Variants in LRRC69 observed in about 807,000 individuals in gnomAD.
The protein encoded by LRRC69 is leucine-rich repeat-containing protein 69.
A neutral mutation model predicts 37.8 loss-of-function variants in LRRC69; 42 were observed. The observed-to-expected ratio is 1.11, with a 90% confidence interval of 0.87 to 1.44. LRRC69 has a LOEUF of 1.44. Ranked by LOEUF, LRRC69 falls within the 40% of genes most tolerant of loss-of-function variation. The probability of loss-of-function intolerance (pLI) is 0.00; values close to 1 mark genes in which losing one functional copy is unlikely to be tolerated. For missense variants in LRRC69, 357 were observed against 401.9 expected (o/e 0.89, Z 0.96); for synonymous variants, 141 against 143.1 (o/e 0.99, Z 0.11).
chr8:91,195,780 G>T (rs1449901222), intron 6 of LRRC69, among the ~76,000 whole-genome samples: 1 of 151,592 alleles, frequency 6.6e-6, no homozygotes, highest in Non-Finnish European at 1.5e-5. Context: ...CACACTGATG[G>T]GTCTTGACTC....
intron 1 of LRRC69, among the ~76,000 whole-genome samples, chr8:91,106,492 A>G (rs930800335): frequency 1.9e-4 from 29 of 152,168 alleles, no homozygotes; most frequent in Admixed American, 1.4e-3. Context: ...ACTGGGAGCC[A>G]AGCATAGTAT....
chr8:91,155,821 C>T (rs1372243405), intron 5 of LRRC69, among the ~76,000 whole-genome samples: 3 of 149,514 alleles, frequency 2.0e-5, no homozygotes, highest in Admixed American at 1.3e-4. Flanking sequence ...GGATTTCATT[C>T]TTTTTATGAC....
intron 7 of LRRC69, chr8:91,206,809 A>T: frequency 7.8e-7 from 1 of 1,289,230 alleles, no homozygotes; most frequent in South Asian, 1.2e-5. Context: ...AAATAACCCC[A>T]TGACACCAGT....
intron 7 of LRRC69, among the ~76,000 whole-genome samples, chr8:91,204,479 T>G (rs971836733): frequency 5.3e-5 from 8 of 152,196 alleles, no homozygotes; most frequent in African/African-American, 1.9e-4. Flanking sequence ...GAATTCTTAC[T>G]ATGGCTGCCT....
At chr8:91,118,232 C>A in intron 1 of LRRC69, 1 of 454,794 alleles carries the variant, frequency 2.2e-6, no homozygotes, top group Non-Finnish European at 4.4e-6. Flanking sequence ...AGGCCGGGTG[C>A]GGTGGCTCAT....
chr8:91,147,269 C>CATATAATATATATTATATATAAACAT (rs1554591780), intron 5 of LRRC69, among the ~76,000 whole-genome samples: 55 of 145,910 alleles, frequency 3.8e-4, no homozygotes, highest in South Asian at 6.3e-4. Context: ...TATATATAAA[C>CATATAATATATATTATATATAAACAT]ATATATTATA....
intron 7 of LRRC69, among the ~76,000 whole-genome samples, chr8:91,209,813 G>A (rs1305265926): frequency 1.3e-5 from 2 of 152,214 alleles, no homozygotes. Flanking sequence ...AAGCCAAGAA[G>A]AGGAGATATG....
At chr8:91,113,972 C>CAAAAAAAAAAA (rs34806474) in intron 1 of LRRC69, among the ~76,000 whole-genome samples, 5 of 60,482 alleles carry the variant, frequency 8.3e-5, no homozygotes, top group Non-Finnish European at 1.1e-4. Flanking sequence ...AGACTTGTCT[C>CAAAAAAAAAAA]AAAAAAAAAA....
At chr8:91,197,978 A>C (rs980495001) in intron 6 of LRRC69, among the ~76,000 whole-genome samples, 21 of 152,306 alleles carry the variant, frequency 1.4e-4, no homozygotes, top group African/African-American at 5.1e-4. Context: ...TTCTTCTCAG[A>C]AAAGTGACTT....
chr8:91,204,220 G>A (rs1321681141), intron 7 of LRRC69, among the ~76,000 whole-genome samples: 4 of 152,152 alleles, frequency 2.6e-5, no homozygotes, highest in African/African-American at 7.2e-5. Flanking sequence ...AGTACCACAG[G>A]GAAATGGTTG....
intron 5 of LRRC69, among the ~76,000 whole-genome samples, chr8:91,148,830 T>C (rs375515929): frequency 6.6e-5 from 10 of 151,932 alleles, no homozygotes; most frequent in African/African-American, 9.7e-5. Flanking sequence ...TCTCTGATGG[T>C]CAGTGATGAT....
chr8:91,183,323 C>T (rs1049097012), intron 5 of LRRC69, among the ~76,000 whole-genome samples: 8 of 151,852 alleles, frequency 5.3e-5, no homozygotes, highest in Non-Finnish European at 2.9e-5. Flanking sequence ...TTGCTGAAGT[C>T]GAATAAGAAA....
intron 5 of LRRC69, among the ~76,000 whole-genome samples, chr8:91,184,556 CTGTGTCA>C (rs1271248357): frequency 6.6e-6 from 1 of 152,160 alleles, no homozygotes; most frequent in Non-Finnish European, 1.5e-5. Context: ...CTTTCAGCTG[CTGTGTCA>C]TGAGTAATTT....
At chr8:91,110,210 T>G (rs1813385179) in intron 1 of LRRC69, among the ~76,000 whole-genome samples, 1 of 152,090 alleles carries the variant, frequency 6.6e-6, no homozygotes. Context: ...GGAAGTTAAG[T>G]AGTTCAAACA....
At chr8:91,145,126 A>C (rs764138068) in intron 5 of LRRC69, among the ~76,000 whole-genome samples, 2 of 151,970 alleles carry the variant, frequency 1.3e-5, no homozygotes, top group Non-Finnish European at 2.9e-5. Context: ...AGTGCAATAC[A>C]ATTGTGGGAA....
chr8:91,113,834 A>G (rs1298262781), intron 1 of LRRC69, among the ~76,000 whole-genome samples: 1 of 151,766 alleles, frequency 6.6e-6, no homozygotes, highest in African/African-American at 2.4e-5. Flanking sequence ...TACAAAATAT[A>G]TAAGGAACTC....
intron 2 of LRRC69, 43 bp downstream of exon 2, chr8:91,124,662 A>G (rs1586231658): frequency 6.9e-7 from 1 of 1,455,266 alleles, no homozygotes; most frequent in Non-Finnish European, 9.1e-7. Flanking sequence ...ATCAAATTTA[A>G]TCTCTCATAT....
intron 5 of LRRC69, among the ~76,000 whole-genome samples, chr8:91,143,913 T>C (rs1331155246): frequency 6.6e-6 from 1 of 152,052 alleles, no homozygotes; most frequent in African/African-American, 2.4e-5. Context: ...ACCCATTGTG[T>C]GACCTTGGAG....
intron 5 of LRRC69, among the ~76,000 whole-genome samples, chr8:91,173,537 T>C (rs4354267): frequency 0.68 from 102,394 of 151,614 alleles, 35,016 homozygotes; most frequent in African/African-American, 0.74. Flanking sequence ...AAAGTACTTG[T>C]ATCAATTTAC....
Sources: gnomAD v4.1 joint callset for allele counts (sites outside exome capture counted in the v4.1 genomes callset) on GRCh38, gnomAD v4.1.1 for gene constraint, MANE v1.5 for transcripts, NCBI Gene and HGNC (gene_info 2026-07-23, HGNC 2026-07-21) for gene names.